SMAD6: variants seen among roughly 807,000 people sequenced by gnomAD.
SMAD6 encodes MAD homolog 6.
Under a neutral mutation model 39.4 loss-of-function variants are expected in SMAD6, and 103 were observed. The ratio of observed to expected loss-of-function variants is 2.62; its 90% CI spans 2.23 to 3.08. The LOEUF (loss-of-function observed/expected upper bound fraction) is 3.08, where lower values mean the gene tolerates loss of function less well. Ranked by LOEUF, SMAD6 falls within the 30% of genes most tolerant of loss-of-function variation. The probability of loss-of-function intolerance (pLI) is 0.00; values close to 1 mark genes in which losing one functional copy is unlikely to be tolerated. For missense variants in SMAD6, 1,104 were observed against 742.9 expected, an observed-to-expected ratio of 1.49 and a Z score of -5.65; for synonymous variants, 445 against 353.3, an observed-to-expected ratio of 1.26 and a Z score of -2.91.
chr15:66,757,661 G>T (rs1289533213), intron 3 of SMAD6, among the ~76,000 whole-genome samples: 2 of 152,218 alleles, frequency 1.3e-5, no homozygotes, highest in Non-Finnish European at 2.9e-5. Flanking sequence ...GGGATGAAGA[G>T]AATTCTGAAG....
In SMAD6 at chr15:66,782,432, G is replaced by A. The variant is rs1595806163; in HGVS notation, c.*897G>A. The A allele has an allele frequency of 6.6e-6, 1 of 152,122 alleles. No homozygotes were observed. Among genetic ancestry groups the A allele is most frequent in the Non-Finnish European group, 1.5e-5 (1 of 68,158 alleles). 9.4% of individuals were successfully genotyped at this position (152,122 alleles called of 1,614,324 possible). On this transcript the variant is annotated 3_prime_UTR_variant, in exon 4 of 4. Coordinates refer to ENST00000288840, the MANE Select transcript of SMAD6 (RefSeq NM_005585.5). ...GGGCCTTGAGCCCACCTGCTACCTT[G>A]CAGAGAACCATCTCGAGCCCCGTAG...
At chr15:66,775,907 CA>C (rs764551662) in intron 3 of SMAD6, among the ~76,000 whole-genome samples, 2 of 152,208 alleles carry the variant, frequency 1.3e-5, no homozygotes, top group Non-Finnish European at 2.9e-5. Flanking sequence ...CTGAGAGGCA[CA>C]GGGGGAGGGG....
At chr15:66,735,636 C>T (rs1403434385) in intron 3 of SMAD6, among the ~76,000 whole-genome samples, 2 of 152,120 alleles carry the variant, frequency 1.3e-5, no homozygotes, top group Non-Finnish European at 2.9e-5. Flanking sequence ...GATGGGGCAG[C>T]AAGAATGTGG....
At chr15:66,730,118 TTC>T (rs1205230170) in intron 3 of SMAD6, among the ~76,000 whole-genome samples, 4 of 152,158 alleles carry the variant, frequency 2.6e-5, no homozygotes, top group Admixed American at 2.0e-4. Context: ...GGTGTGCGGA[TTC>T]TCTGTTTTCA....
At chr15:66,716,294 G>C in intron 2 of SMAD6, 127 bp from the exon 3 acceptor site, 1 of 700,660 alleles carries the variant, frequency 1.4e-6, no homozygotes, top group South Asian at 1.7e-5. Context: ...AAGTTGGGAG[G>C]GACATGCTGC....
chr15:66,771,573 A>G (rs1894379494), intron 3 of SMAD6, among the ~76,000 whole-genome samples: 1 of 151,792 alleles, frequency 6.6e-6, no homozygotes, highest in Non-Finnish European at 1.5e-5. Context: ...TCACTCCTAA[A>G]CCCCTCCTGC....
In SMAD6 at chr15:66,704,238, G is replaced by C. The variant is rs1893058838; in HGVS notation, c.817+163G>C. 6.7e-6 allele frequency: 3 copies of C among 449,372 alleles called. No individual in the cohort carries two copies. The South Asian group carries it at 1.8e-4, about 27-fold the overall frequency. The allele number at this position is 449,372 out of a possible 1,614,324, so 27.8% of individuals were successfully genotyped here. Reference sequence around the variant, plus strand: ...GGAGGCGCCTCAGACCGGCCGAGGGGAGTGGGTGTCCCAGCACACACATCA... The same window carrying C: ...GGAGGCGCCTCAGACCGGCCGAGGGCAGTGGGTGTCCCAGCACACACATCA... On this transcript the variant is annotated intron_variant, in intron 1 of 3. Coordinates refer to ENST00000288840, the MANE Select transcript of SMAD6 (RefSeq NM_005585.5).
chr15:66,780,859 A>ACAGT (rs145861298), intron 3 of SMAD6, 138 bp from the exon 4 acceptor site: 13,282 of 761,810 alleles, frequency 0.017, 749 homozygotes, highest in East Asian at 0.15. Flanking sequence ...AACCTGGCAC[A>ACAGT]CGGTGCCCAC....
In SMAD6 at chr15:66,711,700, C is replaced by T. The variant is rs768122282; in HGVS notation, c.850C>T (p.Pro284Ser). ...SPPPPYSRLS[P>S]RDEYKPLDLS... ...GCCACCTCCCTACTCTCGGCTGTCT[C>T]CTCGCGACGAGTACAAGCCACTGGG... Residue 284 changes from proline to serine, a missense_variant, in exon 2 of 4, where the codon CCT (proline) becomes TCT (serine). Transcript: ENST00000288840. 1.2e-6 allele frequency: 2 copies of T among 1,613,542 alleles called. No homozygotes were observed. Among genetic ancestry groups the T allele is most frequent in the African/African-American group, 2.7e-5 (2 of 74,564 alleles).
intron 2 of SMAD6, among the ~76,000 whole-genome samples, chr15:66,713,027 G>A (rs1462729499): frequency 6.6e-6 from 1 of 152,136 alleles, no homozygotes; most frequent in Non-Finnish European, 1.5e-5. Flanking sequence ...TAAAAGTGGA[G>A]ATTGCTTGGA....
chr15:66,707,424 G>A (rs1282803361), intron 1 of SMAD6: 1 of 152,194 alleles, frequency 6.6e-6, no homozygotes, highest in Non-Finnish European at 1.5e-5. Context: ...AGGACTATAG[G>A]AATTAGAATG....
rs1893031568 is a variant in SMAD6 at position 66,703,617 on chromosome 15, A to G, written c.359A>G (p.Asp120Gly). Residue 120 changes from aspartate (D) to glycine (G), a missense_variant, in exon 1 of 4, where the codon GAC becomes GGC. Physicochemically the swap from Asp to Gly is moderately conservative, Grantham distance 94 (BLOSUM62 -1). Transcript: ENST00000288840. ...GGCCCGGGCTGGCTGCCCGAGAGTG[A>G]CTGCGAGACGGTGACCTGCTGTCTC... ...PGGPGWLPES[D>G]CETVTCCLFS... 2 of 1,229,668 alleles carry G rather than the reference A, an allele frequency of 1.6e-6. No individual in the cohort carries two copies. Among genetic ancestry groups the G allele is most frequent in the Non-Finnish European group, 2.0e-6 (2 of 983,548 alleles). 76.2% of individuals were successfully genotyped at this position (1,229,668 alleles called of 1,614,324 possible). A position where few individuals can be genotyped will look rare whatever the true frequency, so the allele number is the denominator to read the frequency against.
At chr15:66,768,675 A>G (rs1300054784) in intron 3 of SMAD6, among the ~76,000 whole-genome samples, 1 of 152,176 alleles carries the variant, frequency 6.6e-6, no homozygotes, top group African/African-American at 2.4e-5. Context: ...CCTACCTAAC[A>G]TCCTGACCTC....
intron 2 of SMAD6, among the ~76,000 whole-genome samples, chr15:66,712,495 A>G (rs1343311656): frequency 6.6e-6 from 1 of 152,140 alleles, no homozygotes; most frequent in East Asian, 1.9e-4. Context: ...CCTAGCCAAC[A>G]TGGTGAAACC....
intron 3 of SMAD6, among the ~76,000 whole-genome samples, chr15:66,752,038 ACC>A (rs1894016010): frequency 9.6e-6 from 1 of 103,850 alleles, no homozygotes; most frequent in Non-Finnish European, 1.9e-5. Flanking sequence ...ATTTAATGGC[ACC>A]TTTTTTTTTT....
chr15:66,703,821 T>C lies in SMAD6; in HGVS notation c.563T>C (p.Leu188Pro). ...CTGAAGCGGCTCAAGGAGCGCTCGC[T>C]GGACACGCTGCTGGAGGCGGTGGAG... ...SLLKRLKERSLDTLLEAVESR... is the reference protein window; with the variant it reads ...SLLKRLKERSPDTLLEAVESR... The change falls in exon 1 of 4, where the codon CTG becomes CCG. Residue 188 changes from leucine to proline, a missense_variant. By Grantham distance (98) the Leu-to-Pro change is moderately conservative (BLOSUM62 -3). Transcript: ENST00000288840. 4 of 1,421,524 alleles carry C rather than the reference T, an allele frequency of 2.8e-6. No individual in the cohort carries two copies. The highest frequency in any genetic ancestry group is 2.8e-6 in the Non-Finnish European group (3 of 1,076,470). 88.1% of individuals were successfully genotyped at this position (1,421,524 alleles called of 1,614,324 possible).
At chr15:66,704,625 TA>T (rs1187200517) in intron 1 of SMAD6, 3 of 152,264 alleles carry the variant, frequency 2.0e-5, no homozygotes, top group African/African-American at 7.2e-5. Flanking sequence ...CTTTGCAGGG[TA>T]ACCCCTCTCT....
intron 3 of SMAD6, among the ~76,000 whole-genome samples, chr15:66,777,540 T>A (rs1156656631): frequency 6.6e-6 from 1 of 152,150 alleles, no homozygotes; most frequent in Non-Finnish European, 1.5e-5. Context: ...TCCCAGCTAT[T>A]CAGGAAGCTA....
intron 3 of SMAD6, among the ~76,000 whole-genome samples, chr15:66,775,860 A>G (rs991482014): frequency 6.6e-6 from 1 of 152,194 alleles, no homozygotes; most frequent in Non-Finnish European, 1.5e-5. Context: ...TCTGTAAGAG[A>G]CTGTCCCCTC....
Sources: gnomAD v4.1 joint callset for allele counts (sites outside exome capture counted in the v4.1 genomes callset) on GRCh38, gnomAD v4.1.1 for gene constraint, MANE v1.5 for transcripts, NCBI Gene and HGNC (gene_info 2026-07-23, HGNC 2026-07-21) for gene names.